DCLK1: variants seen among roughly 807,000 people sequenced by gnomAD.
DCLK1 encodes doublecortin like kinase 1.
A neutral mutation model predicts 86.2 loss-of-function variants in DCLK1; 16 were observed. The ratio of observed to expected loss-of-function variants is 0.19; its 90% CI spans 0.13 to 0.28. The LOEUF is 0.28. Ranked by LOEUF, DCLK1 falls within the 10% of genes least tolerant of loss-of-function variation. The pLI is 1.00. For synonymous variants in DCLK1, 369 were observed against 370.5 expected (o/e 1.00, Z 0.05); for missense variants, 590 against 940.2 (o/e 0.63, Z 4.87).
chr13:36,031,746 C>G (rs563530357), intron 3 of DCLK1, among the ~76,000 whole-genome samples: 1 of 152,302 alleles, frequency 6.6e-6, no homozygotes, highest in South Asian at 2.1e-4. Context: ...GTCTTCTGAT[C>G]CCCTATGCGA....
intron 4 of DCLK1, among the ~76,000 whole-genome samples, chr13:35,881,175 C>G (rs1872875990): frequency 6.6e-6 from 1 of 152,146 alleles, no homozygotes; most frequent in African/African-American, 2.4e-5. Flanking sequence ...AAATCAATAA[C>G]AAATTACAAT....
intron 3 of DCLK1, among the ~76,000 whole-genome samples, chr13:35,985,667 C>A (rs1003293951): frequency 1.3e-5 from 2 of 152,124 alleles, no homozygotes; most frequent in Admixed American, 1.3e-4. Flanking sequence ...CAGCCTTGGC[C>A]CTTGGGACTG....
Position 35,971,533 on chromosome 13 carries a change from C to T in DCLK1, c.724-24076G>A, listed in dbSNP as rs367902820. ...ATCCCAGCACTTTGGGAGGCTGAGG[C>T]GAGTGGATCACCTGAGGTCGGGAGT... On this transcript the variant is annotated intron_variant, in intron 3 of 16. Coordinates refer to ENST00000360631, the MANE Select transcript of DCLK1 (RefSeq NM_001330071.2). Among the ~76,000 whole-genome samples, 20 of 152,228 alleles carry T rather than the reference C, an allele frequency of 1.3e-4. No homozygotes were observed. In the East Asian group the frequency reaches 3.1e-3, roughly 24 times the overall value.
intron 3 of DCLK1, among the ~76,000 whole-genome samples, chr13:35,960,772 C>G (rs933519445): frequency 2.0e-5 from 3 of 152,208 alleles, no homozygotes; most frequent in Admixed American, 6.5e-5. Flanking sequence ...AAAATCAGAG[C>G]TTTCCACAAA....
intron 3 of DCLK1, among the ~76,000 whole-genome samples, chr13:35,958,637 A>T (rs1878281525): frequency 6.6e-6 from 1 of 152,234 alleles, no homozygotes; most frequent in East Asian, 1.9e-4. Context: ...ATTTTGTTCT[A>T]AATGAGCTGA....
chr13:35,847,730 T>C (rs1392042504), intron 6 of DCLK1: 1 of 985,036 alleles, frequency 1.0e-6, no homozygotes, highest in East Asian at 1.1e-4. Context: ...AGGGTATATA[T>C]ATATATAGTA....
chr13:36,115,713 T>C (rs916612734), intron 2 of DCLK1, among the ~76,000 whole-genome samples: 4 of 151,492 alleles, frequency 2.6e-5, no homozygotes, highest in Non-Finnish European at 5.9e-5. Flanking sequence ...TGTTTTTAAG[T>C]AGAGAGAGAG....
chr13:35,859,877 T>C (rs1332349850), intron 5 of DCLK1, among the ~76,000 whole-genome samples: 2 of 152,224 alleles, frequency 1.3e-5, no homozygotes, highest in Admixed American at 6.5e-5. Context: ...TTTCCACGCA[T>C]ATGTAGGTTA....
chr13:35,867,866 A>G (rs61949291), intron 5 of DCLK1, among the ~76,000 whole-genome samples: 1,159 of 96,300 alleles, frequency 0.012, 32 homozygotes, highest in Middle Eastern at 0.022. Context: ...AAAGAAAGAA[A>G]GAAAGAGAGA....
At chr13:35,976,668 C>A (rs1032933250) in intron 3 of DCLK1, among the ~76,000 whole-genome samples, 1 of 151,162 alleles carries the variant, frequency 6.6e-6, no homozygotes, top group South Asian at 2.1e-4. Context: ...GTAGCTGGGA[C>A]TACAGGCGCC....
In DCLK1 at chr13:35,871,232, G is replaced by A. The variant is rs779066772; in HGVS notation, c.932C>T (p.Thr311Ile). 4 of 1,613,220 alleles carry A rather than the reference G, an allele frequency of 2.5e-6. No individual in the cohort carries two copies. In the South Asian group the frequency reaches 4.4e-5, roughly 18 times the overall value. Residue 311 changes from threonine (T) to isoleucine (I), a missense_variant, in exon 5 of 17, where the codon ACC becomes ATC. Thr to Ile is a moderately conservative substitution (Grantham distance 89, BLOSUM62 -1). Around this residue, in one of 6 missense-constraint regions of DCLK1, gnomAD observed 195 missense variants for 365.1 expected, o/e 0.53. Transcript: ENST00000360631. ...CCCCTCTGCTGCTTTACCTGAGCTGGTGGAGGCAGGGGACTTGCTACGCCT... is the reference window on the plus strand; with the variant it reads ...CCCCTCTGCTGCTTTACCTGAGCTGATGGAGGCAGGGGACTTGCTACGCCT... Reference protein sequence around the residue: ...PSRRSKSPASTSSVNGTPGSQ... With the variant: ...PSRRSKSPASISSVNGTPGSQ...
At chr13:35,805,091 C>A (rs542967413) in intron 15 of DCLK1, among the ~76,000 whole-genome samples, 1 of 152,138 alleles carries the variant, frequency 6.6e-6, no homozygotes, top group Non-Finnish European at 1.5e-5. Context: ...GTCTGTTATG[C>A]CTTCTTGATG....
chr13:35,900,849 A>T (rs1390132975), intron 4 of DCLK1, among the ~76,000 whole-genome samples: 1 of 152,210 alleles, frequency 6.6e-6, no homozygotes, highest in Non-Finnish European at 1.5e-5. Context: ...ATGTGGAAAT[A>T]AAAATTCCGT....
chr13:36,122,600 A>T (rs1368666518), intron 2 of DCLK1, among the ~76,000 whole-genome samples: 1 of 152,190 alleles, frequency 6.6e-6, no homozygotes, highest in Non-Finnish European at 1.5e-5. Flanking sequence ...ACCTACCTAC[A>T]GTAGAATATA....
At chr13:35,811,509 A>G (rs2087143619) in intron 11 of DCLK1, among the ~76,000 whole-genome samples, 1 of 152,158 alleles carries the variant, frequency 6.6e-6, no homozygotes, top group Non-Finnish European at 1.5e-5. Context: ...AGTGTCTCCG[A>G]TTTATGAAAA....
chr13:35,976,592 G>A (rs1032365722), intron 3 of DCLK1, among the ~76,000 whole-genome samples: 18 of 143,400 alleles, frequency 1.3e-4, no homozygotes, highest in Non-Finnish European at 3.0e-5. Context: ...GTGCAGTGGC[G>A]GGATCTCGGC....
chr13:35,788,402 T>C (rs1333454642), intron 16 of DCLK1: 2 of 897,448 alleles, frequency 2.2e-6, no homozygotes, highest in Non-Finnish European at 3.6e-6. Flanking sequence ...ATGCCTCTTC[T>C]GCAGGGTAAC....
intron 3 of DCLK1, among the ~76,000 whole-genome samples, chr13:35,976,080 T>C (rs1293537746): frequency 6.6e-6 from 1 of 152,156 alleles, no homozygotes; most frequent in Non-Finnish European, 1.5e-5. Context: ...GCATCAATTG[T>C]TTAGCAGATT....
intron 3 of DCLK1, among the ~76,000 whole-genome samples, chr13:36,071,075 G>A (rs1338112874): frequency 1.3e-5 from 2 of 152,012 alleles, no homozygotes; most frequent in African/African-American, 4.8e-5. Context: ...TTATATAATT[G>A]CATAATAGAA....
Sources: allele counts gnomAD v4.1 joint callset (sites outside exome capture counted in the v4.1 genomes callset), GRCh38; gene constraint gnomAD v4.1.1; regional missense constraint gnomAD v4.1.1; transcripts MANE v1.5; gene names NCBI Gene and HGNC (gene_info 2026-07-23, HGNC 2026-07-21).